PDE4D: variants seen among roughly 807,000 people sequenced by gnomAD.
The protein encoded by PDE4D is 3',5'-cyclic-AMP phosphodiesterase 4D.
Under a neutral mutation model 87.4 loss-of-function variants are expected in PDE4D, and 24 were observed. That is an observed-to-expected ratio of 0.27 (90% CI 0.20 to 0.39). The LOEUF is 0.39. PDE4D is among the 10% of genes least tolerant of loss of function. PDE4D has a pLI of 1.00. For missense variants in PDE4D, 714 were observed against 1,041.0 expected, an observed-to-expected ratio of 0.69 and a Z score of 4.32; for synonymous variants, 384 against 383.2, an observed-to-expected ratio of 1.00 and a Z score of -0.02.
intron 1 of PDE4D, among the ~76,000 whole-genome samples, chr5:59,887,755 G>T (rs1295074720): frequency 2.0e-5 from 3 of 152,126 alleles, no homozygotes; most frequent in Non-Finnish European, 2.9e-5. Context: ...GTGTGTGTGT[G>T]TGTAAATGTA....
At chr5:59,293,535 G>T (rs898323739) in intron 1 of PDE4D, among the ~76,000 whole-genome samples, 2 of 152,080 alleles carry the variant, frequency 1.3e-5, no homozygotes, top group Non-Finnish European at 2.9e-5. Context: ...CTGCTCAATT[G>T]CTCAGTGGAT....
intron 6 of PDE4D, among the ~76,000 whole-genome samples, chr5:59,031,249 A>G (rs1757336728): frequency 6.6e-6 from 1 of 151,814 alleles, no homozygotes; most frequent in Admixed American, 6.6e-5. Flanking sequence ...AAAGGAACTG[A>G]AATTGGTACA....
chr5:60,217,050 G>C (rs755727416), intron 1 of PDE4D, among the ~76,000 whole-genome samples: 2 of 152,002 alleles, frequency 1.3e-5, no homozygotes, highest in Non-Finnish European at 2.9e-5. Flanking sequence ...TTAAGTCACA[G>C]TATGTTATAT....
intron 1 of PDE4D, among the ~76,000 whole-genome samples, chr5:60,337,351 CTATATA>C (rs748923956): frequency 5.3e-4 from 33 of 62,260 alleles, no homozygotes; most frequent in East Asian, 1.1e-3. Flanking sequence ...AACAAACAAA[CTATATA>C]TATATATATA....
intron 1 of PDE4D, among the ~76,000 whole-genome samples, chr5:59,539,624 G>T (rs1382596089): frequency 6.6e-6 from 1 of 152,120 alleles, no homozygotes; most frequent in Admixed American, 6.6e-5. Flanking sequence ...TATGTCTAGA[G>T]AGAATATTAG....
intron 2 of PDE4D, among the ~76,000 whole-genome samples, chr5:60,170,544 A>G (rs984894671): frequency 6.6e-6 from 1 of 152,004 alleles, no homozygotes; most frequent in Admixed American, 6.6e-5. Context: ...TGAGTTGCAA[A>G]TAAGGTAATG....
intron 5 of PDE4D, among the ~76,000 whole-genome samples, chr5:59,141,295 A>C (rs549323150): frequency 6.6e-6 from 1 of 152,232 alleles, no homozygotes; most frequent in East Asian, 1.9e-4. Flanking sequence ...AATTAGTTGT[A>C]CTAAGAGTTT....
At chr5:60,151,369 G>A (rs903355271) in intron 2 of PDE4D, among the ~76,000 whole-genome samples, 4 of 152,246 alleles carry the variant, frequency 2.6e-5, no homozygotes, top group African/African-American at 9.6e-5. Flanking sequence ...CATTTTAACA[G>A]TATTAAGTCT....
intron 3 of PDE4D, among the ~76,000 whole-genome samples, chr5:59,909,291 T>C (rs1753180104): frequency 6.6e-6 from 1 of 152,186 alleles, no homozygotes; most frequent in African/African-American, 2.4e-5. Context: ...TTATTTAGAA[T>C]CTAACCCTTA....
At chr5:60,184,767 G>A (rs1784644287) in intron 2 of PDE4D, among the ~76,000 whole-genome samples, 1 of 152,204 alleles carries the variant, frequency 6.6e-6, no homozygotes, top group Admixed American at 6.5e-5. Flanking sequence ...CTAGAGAAAT[G>A]TGTTTGCATT....
At position 59,127,946 on chromosome 5, in the gene PDE4D, G is replaced by T. The variant is rs539028943; in HGVS notation, c.808+52649C>A. The stretch of plus-strand genomic sequence containing the variant: ...TGTTCCTTAGCGTTCTGTCCTGCAA[G>T]GACCCCCTGAAGGAGAAGAGAGGGC... On this transcript the variant is annotated intron_variant, in intron 5 of 14. Coordinates refer to ENST00000340635, the MANE Select transcript of PDE4D (RefSeq NM_001104631.2). Among the ~76,000 whole-genome samples, 19 of 151,838 alleles carry T rather than the reference G, an allele frequency of 1.3e-4. 1 individual carries two copies. In the South Asian group the frequency reaches 3.5e-3, roughly 28 times the overall value.
chr5:59,312,815 G>T (rs527962402), intron 1 of PDE4D, among the ~76,000 whole-genome samples: 3 of 152,138 alleles, frequency 2.0e-5, no homozygotes, highest in Admixed American at 6.5e-5. Context: ...CAAGATGCAG[G>T]CTCAACTATT....
chr5:59,247,293 A>G (rs1033836492), intron 1 of PDE4D, among the ~76,000 whole-genome samples: 3 of 152,156 alleles, frequency 2.0e-5, no homozygotes, highest in Admixed American at 2.0e-4. Flanking sequence ...TGAAAGACAC[A>G]TAGTAAAGTG....
At chr5:60,205,212 A>T (rs922514615) in intron 1 of PDE4D, among the ~76,000 whole-genome samples, 5 of 152,022 alleles carry the variant, frequency 3.3e-5, no homozygotes, top group African/African-American at 1.2e-4. Context: ...GAGCACCACA[A>T]ACTGGCCACA....
chr5:59,241,761 G>C (rs1757733616), intron 1 of PDE4D, among the ~76,000 whole-genome samples: 1 of 152,140 alleles, frequency 6.6e-6, no homozygotes, highest in African/African-American at 2.4e-5. Context: ...ATATTTTGCT[G>C]ATGTTGTATT....
intron 1 of PDE4D, among the ~76,000 whole-genome samples, chr5:60,440,724 C>A (rs1382789657): frequency 2.0e-5 from 3 of 152,014 alleles, no homozygotes; most frequent in Non-Finnish European, 4.4e-5. Context: ...CCACAAATAG[C>A]AGACTAATAA....
At chr5:60,358,777 C>T (rs928015662) in intron 1 of PDE4D, among the ~76,000 whole-genome samples, 6 of 152,144 alleles carry the variant, frequency 3.9e-5, no homozygotes, top group Non-Finnish European at 7.4e-5. Context: ...CAAGAAAAAA[C>T]TACCTATGTT....
At chr5:60,432,257 T>C (rs189232181) in intron 1 of PDE4D, among the ~76,000 whole-genome samples, 62 of 152,346 alleles carry the variant, frequency 4.1e-4, no homozygotes, top group Non-Finnish European at 7.6e-4. Flanking sequence ...GCCAGGATGA[T>C]GCTGGCCTCA....
chr5:60,474,108 A>ATATATATATGTG (rs796843843), intron 1 of PDE4D, among the ~76,000 whole-genome samples: 2,309 of 52,202 alleles, frequency 0.044, 137 homozygotes, highest in East Asian at 0.12. Flanking sequence ...GAGCTGCCAT[A>ATATATATATGTG]TATATATATA....
Sources: allele counts gnomAD v4.1 joint callset (sites outside exome capture counted in the v4.1 genomes callset), GRCh38; gene constraint gnomAD v4.1.1; transcripts MANE v1.5; gene names NCBI Gene and HGNC (gene_info 2026-07-23, HGNC 2026-07-21).